Variants in RGS7 observed in about 807,000 individuals in gnomAD.
RGS7 encodes regulator of G-protein signaling 7.
Under a neutral mutation model 81.1 loss-of-function variants are expected in RGS7, and 27 were observed. The observed-to-expected ratio is 0.33, with a 90% CI of 0.25 to 0.46. The LOEUF is 0.46. RGS7 is among the 20% of genes least tolerant of loss of function. The pLI is 1.00. For missense variants in RGS7, 396 were observed against 607.4 expected (o/e 0.65, Z 3.66); for synonymous variants, 208 against 207.7 (o/e 1.00, Z -0.01).
intron 2 of RGS7, among the ~76,000 whole-genome samples, chr1:241,182,015 G>A (rs976370691): frequency 1.3e-5 from 2 of 152,270 alleles, no homozygotes; most frequent in Admixed American, 6.5e-5. Context: ...AACAGATCAG[G>A]AAGCATCAGT....
At chr1:241,355,628 G>C in intron 2 of RGS7, 71 bp downstream of exon 2, 1 of 1,337,696 alleles carries the variant, frequency 7.5e-7, no homozygotes, top group South Asian at 1.2e-5. Flanking sequence ...TACATACTCT[G>C]ATCTAGAGGG....
intron 3 of RGS7, among the ~76,000 whole-genome samples, chr1:240,991,869 C>T (rs1686504841): frequency 6.6e-6 from 1 of 152,132 alleles, no homozygotes; most frequent in African/African-American, 2.4e-5. Flanking sequence ...CATTCTTGCC[C>T]TCAACACATA....
chr1:241,296,935 T>G (rs1179800557), intron 2 of RGS7, among the ~76,000 whole-genome samples: 1 of 146,320 alleles, frequency 6.8e-6, no homozygotes, highest in Admixed American at 6.7e-5. Flanking sequence ...TTAGCTGGGT[T>G]TTTTTTTTTT....
chr1:241,066,471 C>T (rs780281414), intron 3 of RGS7, among the ~76,000 whole-genome samples: 30 of 152,190 alleles, frequency 2.0e-4, no homozygotes, highest in Non-Finnish European at 4.1e-4. Context: ...CTGTTTGCTT[C>T]TCCTTAGCCA....
intron 2 of RGS7, among the ~76,000 whole-genome samples, chr1:241,185,777 T>C (rs977960925): frequency 6.6e-6 from 1 of 151,446 alleles, no homozygotes; most frequent in African/African-American, 2.4e-5. Context: ...TTAGAAAATA[T>C]TTTGAATTAA....
At chr1:241,141,424 A>G (rs997938431) in intron 2 of RGS7, among the ~76,000 whole-genome samples, 2 of 152,196 alleles carry the variant, frequency 1.3e-5, no homozygotes, top group East Asian at 1.9e-4. Context: ...TCACACTGCT[A>G]TGAAGAAACC....
intron 2 of RGS7, among the ~76,000 whole-genome samples, chr1:241,118,608 AC>A (rs1473458776): frequency 1.1e-4 from 16 of 152,218 alleles, no homozygotes; most frequent in African/African-American, 3.9e-4. Flanking sequence ...TCATCACAGC[AC>A]TATTTACAAT....
intron 2 of RGS7, among the ~76,000 whole-genome samples, chr1:241,336,736 G>A (rs2082267285): frequency 6.6e-6 from 1 of 152,174 alleles, no homozygotes; most frequent in African/African-American, 2.4e-5. Flanking sequence ...TGGAAGTTTT[G>A]TGGAGGGAAA....
At chr1:241,312,622 G>A (rs2080610180) in intron 2 of RGS7, among the ~76,000 whole-genome samples, 1 of 152,128 alleles carries the variant, frequency 6.6e-6, no homozygotes, top group African/African-American at 2.4e-5. Flanking sequence ...AATGTTGTAT[G>A]TGTTCTGACT....
intron 2 of RGS7, among the ~76,000 whole-genome samples, chr1:241,188,227 A>G (rs2072296075): frequency 6.6e-6 from 1 of 151,994 alleles, no homozygotes; most frequent in African/African-American, 2.4e-5. Flanking sequence ...TTATGTGTCA[A>G]TAATGAAAAA....
intron 2 of RGS7, among the ~76,000 whole-genome samples, chr1:241,228,899 T>A (rs1211517196): frequency 6.6e-6 from 1 of 152,032 alleles, no homozygotes; most frequent in Non-Finnish European, 1.5e-5. Flanking sequence ...AGGCTTGTAG[T>A]TTAATAGGAT....
chr1:241,010,287 C>T (rs539014845), intron 3 of RGS7, among the ~76,000 whole-genome samples: 1 of 152,318 alleles, frequency 6.6e-6, no homozygotes, highest in East Asian at 1.9e-4. Flanking sequence ...AACACCTGAT[C>T]ATGGTACCAG....
intron 9 of RGS7, among the ~76,000 whole-genome samples, chr1:240,843,259 C>CT (rs1196453387): frequency 6.6e-6 from 1 of 151,944 alleles, no homozygotes; most frequent in African/African-American, 2.4e-5. Context: ...GGACAAATAT[C>CT]TTTTTTTCTT....
intron 2 of RGS7, among the ~76,000 whole-genome samples, chr1:241,251,519 T>C (rs954218816): frequency 8.6e-5 from 13 of 152,002 alleles, no homozygotes; most frequent in African/African-American, 3.1e-4. Context: ...TTCTTTTCTT[T>C]TTTTTTTCCA....
At chr1:241,313,896 GT>G (rs1156701149) in intron 2 of RGS7, among the ~76,000 whole-genome samples, 1 of 152,206 alleles carries the variant, frequency 6.6e-6, no homozygotes, top group African/African-American at 2.4e-5. Context: ...AGCGGTGGAA[GT>G]CACTGCAGAT....
chr1:241,170,969 C>T (rs1352876298), intron 2 of RGS7, among the ~76,000 whole-genome samples: 1 of 152,030 alleles, frequency 6.6e-6, no homozygotes, highest in Non-Finnish European at 1.5e-5. Context: ...ATTAGACAAG[C>T]AAAACACTCT....
intron 2 of RGS7, among the ~76,000 whole-genome samples, chr1:241,269,312 C>T (rs1158133566): frequency 1.3e-5 from 2 of 152,224 alleles, no homozygotes; most frequent in Admixed American, 6.5e-5. Flanking sequence ...CGTGGGTAGA[C>T]GCCTCCTGGC....
At chr1:240,858,147 A>G (rs952627312) in intron 9 of RGS7, among the ~76,000 whole-genome samples, 1 of 152,180 alleles carries the variant, frequency 6.6e-6, no homozygotes, top group Non-Finnish European at 1.5e-5. Flanking sequence ...TTATTTTTTG[A>G]AGGACATCTT....
intron 15 of RGS7, among the ~76,000 whole-genome samples, chr1:240,805,249 T>C (rs1688661187): frequency 6.6e-6 from 1 of 151,962 alleles, no homozygotes; most frequent in African/African-American, 2.4e-5. Context: ...CCAGGCATGG[T>C]GGTGCATGCC....
Sources: gnomAD v4.1 joint callset for allele counts (sites outside exome capture counted in the v4.1 genomes callset) on GRCh38, gnomAD v4.1.1 for gene constraint, MANE v1.5 for transcripts, NCBI Gene and HGNC (gene_info 2026-07-23, HGNC 2026-07-21) for gene names.